Variants in KIF6 observed in about 807,000 individuals in gnomAD.
KIF6 encodes the protein kinesin-like protein KIF6.
Under a neutral mutation model 112.7 loss-of-function variants are expected in KIF6, and 106 were observed. That is an observed-to-expected ratio of 0.94 (90% CI 0.80 to 1.11). The LOEUF is 1.11. Ranked by LOEUF, KIF6 falls within the 50% of genes least tolerant of loss-of-function variation. The pLI is 0.00. For missense variants in KIF6, 929 were observed against 964.0 expected, an observed-to-expected ratio of 0.96 and a Z score of 0.48; for synonymous variants, 339 against 339.9, an observed-to-expected ratio of 1.00 and a Z score of 0.03.
At chr6:39,557,000 A>G (rs1779738553) in intron 10 of KIF6, among the ~76,000 whole-genome samples, 1 of 152,190 alleles carries the variant, frequency 6.6e-6, no homozygotes, top group African/African-American at 2.4e-5. Flanking sequence ...TCTTTAGCTG[A>G]AATTTTTAAA....
intron 13 of KIF6, among the ~76,000 whole-genome samples, chr6:39,528,890 AAC>A (rs1777889762): frequency 6.6e-6 from 1 of 152,200 alleles, no homozygotes. Context: ...TTTCATATGG[AAC>A]CACAAAAACC....
intron 13 of KIF6, among the ~76,000 whole-genome samples, chr6:39,452,956 G>A (rs1002309558): frequency 1.3e-5 from 2 of 152,186 alleles, no homozygotes; most frequent in African/African-American, 4.8e-5. Context: ...TTGAGGTCAA[G>A]GAAGAAACAT....
intron 13 of KIF6, among the ~76,000 whole-genome samples, chr6:39,477,140 A>G (rs1774475555): frequency 1.3e-5 from 2 of 152,300 alleles, no homozygotes; most frequent in Middle Eastern, 3.4e-3. Context: ...ATAATATGAG[A>G]AAAGCAAATT....
At chr6:39,670,007 A>G (rs186643648) in intron 3 of KIF6, among the ~76,000 whole-genome samples, 1 of 152,328 alleles carries the variant, frequency 6.6e-6, no homozygotes, top group East Asian at 1.9e-4. Context: ...GGGTCTTTTA[A>G]TGGAAAAAGC....
chr6:39,360,570 T>G, intron 17 of KIF6, 40 bp from the exon 18 acceptor site: 19 of 1,612,852 alleles, frequency 1.2e-5, no homozygotes, highest in Non-Finnish European at 1.6e-5. Context: ...ACTGCTGTCT[T>G]GAAAGCACGG....
chr6:39,348,409 T>C (rs139154169), intron 19 of KIF6, among the ~76,000 whole-genome samples: 70 of 152,184 alleles, frequency 4.6e-4, no homozygotes, highest in African/African-American at 1.4e-3. Context: ...CCCCACCTCA[T>C]GCAGGAGGGC....
intron 15 of KIF6, among the ~76,000 whole-genome samples, chr6:39,400,530 G>A (rs1768620233): frequency 6.6e-6 from 1 of 152,218 alleles, no homozygotes; most frequent in Non-Finnish European, 1.5e-5. Context: ...GCATTGGGAG[G>A]CCAGAGAGGT....
At position 39,343,192 on chromosome 6, in the gene KIF6, CT is replaced by C; in HGVS notation, c.2428+516del. 8.2e-7 allele frequency: 1 copy of C among 1,212,510 alleles called. No individual in the cohort carries two copies. Among genetic ancestry groups the C allele is most frequent in the South Asian group, 1.5e-5 (1 of 66,860 alleles). The allele number at this position is 1,212,510 out of a possible 1,614,324, so 75.1% of individuals were successfully genotyped here. A position where few individuals can be genotyped will look rare whatever the true frequency, so the allele number is the denominator to read the frequency against. On this transcript the variant is annotated intron_variant, in intron 22 of 22. Transcript: ENST00000287152. The surrounding 1 kb of genome is among the most constrained non-coding windows in gnomAD (Gnocchi z 4.1). Reference sequence around the variant, plus strand: ...TGCAGACCAAGAAGAGCCTTCTTCTCTTCCTGTTGTCTGACACGCCACTCTT... The same window carrying C: ...TGCAGACCAAGAAGAGCCTTCTTCTCTCCTGTTGTCTGACACGCCACTCTT...
chr6:39,647,046 A>G lies in KIF6; in HGVS notation c.252-7289T>C, dbSNP rs573967432. 2.0e-5 allele frequency among the ~76,000 whole-genome samples: 3 copies of G among 152,352 alleles called. No individual in the cohort carries two copies. The South Asian group carries it at 6.2e-4, about 32-fold the overall frequency. On this transcript the variant is annotated intron_variant, in intron 3 of 22. Transcript: ENST00000287152. ...TCACTTTCAGAATATCTCACAGTGC[A>G]TAAATTCAGTAGCTTAAATTTTAGA...
intron 3 of KIF6, among the ~76,000 whole-genome samples, chr6:39,682,260 G>C (rs1787566012): frequency 6.6e-6 from 1 of 152,162 alleles, no homozygotes; most frequent in Admixed American, 6.5e-5. Flanking sequence ...GAACATCATA[G>C]CATGTACTTA....
intron 15 of KIF6, among the ~76,000 whole-genome samples, chr6:39,404,334 CAA>C (rs1269741954): frequency 6.6e-6 from 1 of 152,130 alleles, no homozygotes; most frequent in Non-Finnish European, 1.5e-5. Flanking sequence ...TGTTTTGACT[CAA>C]TTTTTGTATA....
At chr6:39,501,663 A>T (rs1021344208) in intron 13 of KIF6, among the ~76,000 whole-genome samples, 21 of 152,246 alleles carry the variant, frequency 1.4e-4, no homozygotes, top group African/African-American at 4.6e-4. Flanking sequence ...TGAAAAACAT[A>T]TTACAAGAAC....
chr6:39,724,280 G>A (rs1181510704), intron 1 of KIF6, among the ~76,000 whole-genome samples: 1 of 151,982 alleles, frequency 6.6e-6, no homozygotes, highest in African/African-American at 2.4e-5. Context: ...GGTGAAACCC[G>A]GTCTCTTCTA....
At chr6:39,663,750 T>C (rs1274232290) in intron 3 of KIF6, among the ~76,000 whole-genome samples, 1 of 151,964 alleles carries the variant, frequency 6.6e-6, no homozygotes, top group African/African-American at 2.4e-5. Flanking sequence ...AAAGAAGTAA[T>C]TGCCTTTTGT....
chr6:39,658,380 C>A (rs532175761), intron 3 of KIF6, among the ~76,000 whole-genome samples: 2 of 151,844 alleles, frequency 1.3e-5, no homozygotes, highest in South Asian at 4.2e-4. Context: ...ACTTTTAGTT[C>A]GGAAAATAAA....
intron 16 of KIF6, among the ~76,000 whole-genome samples, chr6:39,381,500 G>A (rs1041412403): frequency 2.6e-5 from 4 of 152,140 alleles, no homozygotes; most frequent in African/African-American, 9.7e-5. Context: ...CAAATACACC[G>A]AGTAGGCTGC....
intron 5 of KIF6, among the ~76,000 whole-genome samples, chr6:39,631,179 G>A (rs1784335268): frequency 6.6e-6 from 1 of 151,186 alleles, no homozygotes. Context: ...ATAATGCTGG[G>A]ATCACTGGAT....
intron 13 of KIF6, among the ~76,000 whole-genome samples, chr6:39,433,003 G>C (rs1041325025): frequency 6.6e-6 from 1 of 152,154 alleles, no homozygotes; most frequent in Non-Finnish European, 1.5e-5. Flanking sequence ...TGGGGTGGGA[G>C]TGAAAGCTTG....
intron 13 of KIF6, among the ~76,000 whole-genome samples, chr6:39,503,790 C>T (rs767891573): frequency 2.0e-5 from 3 of 150,512 alleles, no homozygotes; most frequent in Non-Finnish European, 4.4e-5. Flanking sequence ...ATAATGAATC[C>T]CTGATTAGAC....
Sources: allele counts gnomAD v4.1 joint callset (sites outside exome capture counted in the v4.1 genomes callset), GRCh38; gene constraint gnomAD v4.1.1; non-coding constraint Gnocchi (gnomAD v3.1); transcripts MANE v1.5; gene names NCBI Gene and HGNC (gene_info 2026-07-23, HGNC 2026-07-21).